Variants in SCHIP1 observed in about 807,000 individuals in gnomAD.
SCHIP1 encodes the protein schwannomin interacting protein 1.
Under a neutral mutation model 29.7 loss-of-function variants are expected in SCHIP1, and 8 were observed. That is an observed-to-expected ratio of 0.27 (90% CI 0.16 to 0.49). The LOEUF is 0.49. Ranked by LOEUF, SCHIP1 falls within the 20% of genes least tolerant of loss-of-function variation. SCHIP1 has a pLI of 0.99. For missense variants in SCHIP1, 193 were observed against 294.6 expected (o/e 0.66, Z 2.52); for synonymous variants, 76 against 94.9 (o/e 0.80, Z 1.16).
At chr3:159,428,264 C>T in the SCHIP1 span, among the ~76,000 whole-genome samples, 24,965 of 151,862 alleles carry the variant, frequency 0.16, 2,379 homozygotes, top group South Asian at 0.37. Context: ...AGGCAACCTA[C>T]AAAATGGGAG....
chr3:159,404,764 G>T, the SCHIP1 span, among the ~76,000 whole-genome samples: 2 of 152,200 alleles, frequency 1.3e-5, no homozygotes, highest in Non-Finnish European at 2.9e-5. Flanking sequence ...CCTGCTGATT[G>T]TACAGCCCTA....
At chr3:159,566,610 G>T in the SCHIP1 span, among the ~76,000 whole-genome samples, 1 of 152,140 alleles carries the variant, frequency 6.6e-6, no homozygotes, top group Non-Finnish European at 1.5e-5. Flanking sequence ...AACTGGAAAG[G>T]AATAAGAAGA....
the SCHIP1 span, among the ~76,000 whole-genome samples, chr3:159,453,876 T>G: frequency 6.6e-6 from 1 of 152,200 alleles, no homozygotes; most frequent in African/African-American, 2.4e-5. Flanking sequence ...TGAACGCTAA[T>G]ACAGCACATG....
chr3:159,642,190 A>G, the SCHIP1 span, among the ~76,000 whole-genome samples: 668 of 152,274 alleles, frequency 4.4e-3, 6 homozygotes, highest in African/African-American at 0.015. Context: ...ATAGCCCTCA[A>G]TATACTGTAA....
the SCHIP1 span, among the ~76,000 whole-genome samples, chr3:159,577,896 G>A: frequency 6.6e-6 from 1 of 152,154 alleles, no homozygotes; most frequent in Non-Finnish European, 1.5e-5. Context: ...TGAGAAAGAG[G>A]TGATTGAAAC....
chr3:159,369,781 C>T, the SCHIP1 span, among the ~76,000 whole-genome samples: 1 of 152,084 alleles, frequency 6.6e-6, no homozygotes, highest in South Asian at 2.1e-4. Flanking sequence ...AAATATTCAA[C>T]ATATGTAGAA....
the SCHIP1 span, among the ~76,000 whole-genome samples, chr3:159,295,668 G>A: frequency 6.6e-6 from 1 of 152,098 alleles, no homozygotes; most frequent in Admixed American, 6.5e-5. Context: ...GAGAAATAGT[G>A]CTTTAACTTC....
rs566940351 is a variant in SCHIP1 at position 159,843,001 on chromosome 3, C to CTTTTTTTTTTT, written c.30+2805_30+2815dup. Among the ~76,000 whole-genome samples, 457 of 63,660 alleles carry CTTTTTTTTTTT rather than the reference C, an allele frequency of 7.2e-3. 74 individuals carry two copies. The highest frequency in any genetic ancestry group is 9.2e-3 in the Non-Finnish European group (277 of 30,132). 41.8% of individuals were successfully genotyped at this position (63,660 alleles called of 152,430 possible). On this transcript the variant is annotated intron_variant, in intron 1 of 6. Coordinates refer to ENST00000445224, the Ensembl canonical transcript of SCHIP1. ...TCCAGTTCTATCCCAATATTTCTTT[C>CTTTTTTTTTTT]TTTTTTTTTTTTTTTTTTTTTTTTT...
chr3:159,783,415 C>T, the SCHIP1 span, among the ~76,000 whole-genome samples: 1 of 152,204 alleles, frequency 6.6e-6, no homozygotes, highest in Admixed American at 6.5e-5. Flanking sequence ...GAAACTGCAC[C>T]AGGAGCATCC....
At chr3:159,775,640 A>G in the SCHIP1 span, among the ~76,000 whole-genome samples, 1 of 152,122 alleles carries the variant, frequency 6.6e-6, no homozygotes, top group Non-Finnish European at 1.5e-5. Context: ...CCACTCTTGT[A>G]CTGTTTGTTG....
At chr3:159,881,015 G>T (rs933401988) in intron 2 of SCHIP1, among the ~76,000 whole-genome samples, 1 of 152,182 alleles carries the variant, frequency 6.6e-6, no homozygotes, top group African/African-American at 2.4e-5. Flanking sequence ...AGGGAAAGGA[G>T]CAGAGTTTGC....
the SCHIP1 span, among the ~76,000 whole-genome samples, chr3:159,831,010 G>C: frequency 1.3e-5 from 2 of 152,192 alleles, no homozygotes; most frequent in African/African-American, 4.8e-5. Flanking sequence ...AAGGATTCCT[G>C]TTCCACTTAG....
the SCHIP1 span, among the ~76,000 whole-genome samples, chr3:159,765,899 A>T: frequency 4.6e-5 from 7 of 152,166 alleles, no homozygotes; most frequent in Non-Finnish European, 1.0e-4. Flanking sequence ...CAGGAAAGCC[A>T]GACAGGGAGG....
the SCHIP1 span, among the ~76,000 whole-genome samples, chr3:159,798,903 G>A: frequency 6.6e-6 from 1 of 152,184 alleles, no homozygotes; most frequent in Non-Finnish European, 1.5e-5. Flanking sequence ...GAATAATCAT[G>A]AGTTAAAACA....
At chr3:159,823,813 T>C in the SCHIP1 span, among the ~76,000 whole-genome samples, 1 of 152,204 alleles carries the variant, frequency 6.6e-6, no homozygotes, top group Non-Finnish European at 1.5e-5. Context: ...GGTTTAATGT[T>C]CTGCTGTTAC....
the SCHIP1 span, among the ~76,000 whole-genome samples, chr3:159,625,363 T>G: frequency 3.3e-5 from 5 of 152,318 alleles, no homozygotes; most frequent in South Asian, 2.1e-4. Flanking sequence ...ACTTAAGTCC[T>G]GTTTCTCTCT....
At chr3:159,432,813 G>A in the SCHIP1 span, among the ~76,000 whole-genome samples, 6 of 152,142 alleles carry the variant, frequency 3.9e-5, no homozygotes, top group African/African-American at 1.4e-4. Flanking sequence ...AATGGGAAAG[G>A]GAGGGAGCGG....
At chr3:159,336,973 G>A in the SCHIP1 span, among the ~76,000 whole-genome samples, 1 of 152,180 alleles carries the variant, frequency 6.6e-6, no homozygotes, top group Admixed American at 6.6e-5. Context: ...TTATACCCAT[G>A]AGCATGGAAT....
the SCHIP1 span, among the ~76,000 whole-genome samples, chr3:159,823,521 T>G: frequency 1.3e-5 from 2 of 152,172 alleles, no homozygotes; most frequent in Non-Finnish European, 2.9e-5. Flanking sequence ...GATGACAATG[T>G]CAGGGCCAGC....
Sources: allele counts gnomAD v4.1 joint callset (sites outside exome capture counted in the v4.1 genomes callset), GRCh38; gene constraint gnomAD v4.1.1; transcripts MANE v1.5; gene names NCBI Gene and HGNC (gene_info 2026-07-23, HGNC 2026-07-21).